TRPC7: variants seen among roughly 807,000 people sequenced by gnomAD.
The protein encoded by TRPC7 is short transient receptor potential channel 7.
Under a neutral mutation model 90.1 loss-of-function variants are expected in TRPC7, and 42 were observed. The ratio of observed to expected loss-of-function variants is 0.47; its 90% CI spans 0.36 to 0.60. The LOEUF is 0.60. TRPC7 is among the 20% of genes least tolerant of loss of function. The pLI, the probability that TRPC7 is intolerant of heterozygous loss-of-function variation, is 0.00. For synonymous variants in TRPC7, 451 were observed against 436.3 expected (o/e 1.03, Z -0.42); for missense variants, 955 against 1,112.3 (o/e 0.86, Z 2.01).
intron 3 of TRPC7, among the ~76,000 whole-genome samples, chr5:136,294,623 TA>T (rs1383523809): frequency 1.3e-5 from 2 of 152,002 alleles, no homozygotes; most frequent in Admixed American, 6.5e-5. Context: ...TGGCAATCAT[TA>T]AAAAGTCAGG....
intron 3 of TRPC7, among the ~76,000 whole-genome samples, chr5:136,279,213 A>G (rs752282104): frequency 5.9e-5 from 9 of 152,118 alleles, no homozygotes; most frequent in Non-Finnish European, 1.3e-4. Flanking sequence ...TTTCTAGACC[A>G]AGAGAGATTA....
At chr5:136,256,166 G>A (rs999730497) in intron 5 of TRPC7, among the ~76,000 whole-genome samples, 2 of 152,086 alleles carry the variant, frequency 1.3e-5, no homozygotes, top group Non-Finnish European at 2.9e-5. Context: ...CAGTCCCTCG[G>A]CCCTGTTCAT....
At chr5:136,344,750 G>T (rs1005644419) in intron 2 of TRPC7, among the ~76,000 whole-genome samples, 4 of 152,262 alleles carry the variant, frequency 2.6e-5, no homozygotes, top group Admixed American at 6.5e-5. Context: ...TTGTAAGGGG[G>T]TATAGGGATG....
intron 2 of TRPC7, among the ~76,000 whole-genome samples, chr5:136,340,234 T>C (rs1405121362): frequency 6.6e-6 from 1 of 152,170 alleles, no homozygotes; most frequent in Non-Finnish European, 1.5e-5. Flanking sequence ...AAATACCACA[T>C]GATTTTATTT....
At chr5:136,304,432 A>G (rs1302710946) in intron 3 of TRPC7, among the ~76,000 whole-genome samples, 1 of 152,190 alleles carries the variant, frequency 6.6e-6, no homozygotes, top group Non-Finnish European at 1.5e-5. Context: ...GATAAGGCTT[A>G]CAAGTTAGTT....
At chr5:136,291,839 A>T (rs1163938534) in intron 3 of TRPC7, among the ~76,000 whole-genome samples, 1 of 152,216 alleles carries the variant, frequency 6.6e-6, no homozygotes, top group South Asian at 2.1e-4. Context: ...CAGAATATAC[A>T]TTCTTTTCAG....
At chr5:136,217,125 C>T (rs1463310687) in intron 10 of TRPC7, among the ~76,000 whole-genome samples, 1 of 152,190 alleles carries the variant, frequency 6.6e-6, no homozygotes, top group African/African-American at 2.4e-5. Flanking sequence ...ACTTCTGAAT[C>T]TTCCAAGAGA....
At chr5:136,221,595 A>T (rs1049102268) in intron 10 of TRPC7, among the ~76,000 whole-genome samples, 1 of 152,234 alleles carries the variant, frequency 6.6e-6, no homozygotes, top group Non-Finnish European at 1.5e-5. Flanking sequence ...ATGAGGTAGG[A>T]TCCAGAGGGA....
Position 136,324,116 on chromosome 5 carries a change from T to A in TRPC7, c.781-8337A>T, listed in dbSNP as rs182099702. Among the ~76,000 whole-genome samples the A allele has an allele frequency of 4.8e-3, 734 of 152,286 alleles. 4 individuals carry two copies. Among genetic ancestry groups the A allele is most frequent in the Non-Finnish European group, 7.5e-3 (509 of 67,988 alleles). ...TTCTTCATTTTAATTTTCATCATTA[T>A]ATATAGAAATGTTGATTCTTGTGTG... On this transcript the variant is annotated intron_variant, in intron 2 of 11. Coordinates refer to ENST00000513104, the MANE Select transcript of TRPC7 (RefSeq NM_020389.3).
chr5:136,262,135 AG>A (rs1756878215), intron 5 of TRPC7, among the ~76,000 whole-genome samples: 1 of 152,220 alleles, frequency 6.6e-6, no homozygotes, highest in African/African-American at 2.4e-5. Context: ...AAATTACTGC[AG>A]TGGCCTCCTA....
chr5:136,290,495 C>T lies in TRPC7; in HGVS notation c.964-15658G>A, dbSNP rs538095550. On this transcript the variant is annotated intron_variant, in intron 3 of 11. Transcript: ENST00000513104. ...CGGCATGAGAACTATGTGACAAATG[C>T]GCAAGCCTCAGTAACTGATGTGATC... is the stretch of plus-strand genomic sequence containing the variant. Among the ~76,000 whole-genome samples the T allele has an allele frequency of 3.7e-4, 56 of 152,218 alleles. No homozygotes were observed. In the South Asian group the frequency reaches 6.6e-3, roughly 18 times the overall value.
intron 11 of TRPC7, chr5:136,214,178 C>T (rs78685097): frequency 0.014 from 2,205 of 152,588 alleles, 55 homozygotes; most frequent in African/African-American, 0.05. Flanking sequence ...AGCACCACCT[C>T]GCTGACAGGA....
At chr5:136,307,071 A>T (rs868793088) in intron 3 of TRPC7, among the ~76,000 whole-genome samples, 5 of 152,226 alleles carry the variant, frequency 3.3e-5, no homozygotes, top group Non-Finnish European at 1.5e-5. Flanking sequence ...TGATATATGT[A>T]TACAATATGT....
chr5:136,280,441 T>C (rs936112487), intron 3 of TRPC7, among the ~76,000 whole-genome samples: 3 of 152,212 alleles, frequency 2.0e-5, no homozygotes, highest in Non-Finnish European at 4.4e-5. Context: ...CTCAATAAAC[T>C]TCTGTTGAGT....
At chr5:136,249,153 TC>T (rs1158693817) in intron 6 of TRPC7, among the ~76,000 whole-genome samples, 1 of 152,220 alleles carries the variant, frequency 6.6e-6, no homozygotes, top group Non-Finnish European at 1.5e-5. Flanking sequence ...GGGGTCCTTT[TC>T]AGAGACCGGT....
intron 1 of TRPC7, among the ~76,000 whole-genome samples, chr5:136,364,396 G>T (rs916847653): frequency 6.6e-6 from 1 of 152,192 alleles, no homozygotes; most frequent in Non-Finnish European, 1.5e-5. Flanking sequence ...CTTGGAGATT[G>T]GGTTTGCATC....
At chr5:136,276,813 G>C (rs1308745808) in intron 3 of TRPC7, among the ~76,000 whole-genome samples, 1 of 152,224 alleles carries the variant, frequency 6.6e-6, no homozygotes, top group Non-Finnish European at 1.5e-5. Flanking sequence ...GCAATGGAAA[G>C]TCATGCAGAC....
Position 136,315,146 on chromosome 5 carries a change from T to C in TRPC7, c.963+451A>G, listed in dbSNP as rs776728496. On this transcript the variant is annotated intron_variant, in intron 3 of 11. Coordinates refer to ENST00000513104, the MANE Select transcript of TRPC7 (RefSeq NM_020389.3). ...AAGCCTCCCAGGGCTGTTGATCCCA[T>C]AAGCTCTTTACATTAATACATTTTC... is the stretch of plus-strand genomic sequence containing the variant. Among the ~76,000 whole-genome samples, 98 of 152,180 alleles carry C rather than the reference T, an allele frequency of 6.4e-4. 3 individuals carry two copies. Among genetic ancestry groups the C allele is most frequent in the Non-Finnish European group, 7.4e-5 (5 of 68,024 alleles).
At chr5:136,335,262 T>C (rs1759617265) in intron 2 of TRPC7, among the ~76,000 whole-genome samples, 1 of 152,082 alleles carries the variant, frequency 6.6e-6, no homozygotes. Flanking sequence ...TCATCTACCC[T>C]GGTAAGTCCT....
Sources: gnomAD v4.1 joint callset for allele counts (sites outside exome capture counted in the v4.1 genomes callset) on GRCh38, gnomAD v4.1.1 for gene constraint, MANE v1.5 for transcripts, NCBI Gene and HGNC (gene_info 2026-07-23, HGNC 2026-07-21) for gene names.